Variants in CSMD2 observed in about 807,000 individuals in gnomAD.
CSMD2 encodes CUB and Sushi multiple domains 2.
Under a neutral mutation model 398.5 loss-of-function variants are expected in CSMD2, and 130 were observed. The ratio of observed to expected loss-of-function variants is 0.33; its 90% confidence interval spans 0.28 to 0.38. The LOEUF (loss-of-function observed/expected upper bound fraction) is 0.38, where lower values mean the gene tolerates loss of function less well. CSMD2 is among the 10% of genes least tolerant of loss of function. CSMD2 has a pLI of 1.00. For synonymous variants in CSMD2, 1,828 were observed against 1,908.5 expected, an observed-to-expected ratio of 0.96 and a Z score of 1.10; for missense variants, 3,829 against 4,764.9, an observed-to-expected ratio of 0.80 and a Z score of 5.78.
Position 33,819,755 on chromosome 1 carries a change from C to T in CSMD2, c.1282G>A (p.Asp428Asn), listed in dbSNP as rs1391408280. ...SKRITCMKVS[D>N]MFAAWSDHRP... is the part of the protein sequence containing the mutation. ...TGGTCGCTCCAGGCCGCAAACATGT[C>T]GCTCACTTTCATACAGGTGATCCGC... The change falls in exon 9 of 71, where the codon GAC becomes AAC. Residue 428 changes from aspartate (D) to asparagine (N), a missense_variant. Asp to Asn is a conservative substitution (Grantham distance 23). Transcript: ENST00000373381. 7.4e-6 allele frequency: 12 copies of T among 1,614,078 alleles called. No individual in the cohort carries two copies. Among genetic ancestry groups the T allele is most frequent in the Middle Eastern group, 1.7e-4 (1 of 6,012 alleles).
At chr1:33,937,685 T>G (rs1385241485) in intron 3 of CSMD2, among the ~76,000 whole-genome samples, 8 of 152,242 alleles carry the variant, frequency 5.3e-5, no homozygotes, top group Non-Finnish European at 8.8e-5. Flanking sequence ...CAGCCTGATC[T>G]GGGTGTGAAA....
At chr1:33,643,843 GAGATAGT>G (rs1643252892) in intron 29 of CSMD2, among the ~76,000 whole-genome samples, 1 of 151,842 alleles carries the variant, frequency 6.6e-6, no homozygotes, top group Non-Finnish European at 1.5e-5. Context: ...GAGGCCCAGG[GAGATAGT>G]AGAGGGTGAC....
At chr1:33,703,043 T>A (rs932162595) in intron 22 of CSMD2, among the ~76,000 whole-genome samples, 1 of 152,184 alleles carries the variant, frequency 6.6e-6, no homozygotes, top group Non-Finnish European at 1.5e-5. Flanking sequence ...CTATTGCATT[T>A]GTCTATTTGT....
intron 5 of CSMD2, among the ~76,000 whole-genome samples, chr1:33,908,085 C>CAAAAAAAA (rs35932181): frequency 2.2e-4 from 17 of 77,102 alleles, no homozygotes; most frequent in African/African-American, 9.1e-4. Flanking sequence ...GACTCCATCT[C>CAAAAAAAA]AAAAAAAAAA....
rs1162083896 is a variant in CSMD2 at position 33,514,560 on chromosome 1, G to T, written c.*2064C>A. 14 of 122,922 alleles carry T rather than the reference G, an allele frequency of 1.1e-4. No homozygotes were observed. 7.6% of individuals were successfully genotyped at this position (122,922 alleles called of 1,614,324 possible). A position where few individuals can be genotyped will look rare whatever the true frequency, so the allele number is the denominator to read the frequency against. On this transcript the variant is annotated 3_prime_UTR_variant, in exon 71 of 71. Transcript: ENST00000373381. The stretch of plus-strand genomic sequence containing the variant: ...CGAGCATCTCATGGAACTTTACAAG[G>T]AGACGCAGGGGAGGGGTGGGGGGCG...
chr1:33,575,304 G>A (rs1449804918), intron 49 of CSMD2, among the ~76,000 whole-genome samples: 1 of 152,198 alleles, frequency 6.6e-6, no homozygotes, highest in Non-Finnish European at 1.5e-5. Context: ...CAGCAGTAGA[G>A]AAGTGGAATA....
At chr1:33,756,745 A>T (rs1649079586) in intron 13 of CSMD2, among the ~76,000 whole-genome samples, 1 of 152,040 alleles carries the variant, frequency 6.6e-6, no homozygotes. Flanking sequence ...TCTTTTAAAA[A>T]TCATGAGAGT....
At chr1:33,675,755 G>C (rs9701974) in intron 25 of CSMD2, among the ~76,000 whole-genome samples, 143,145 of 152,280 alleles carry the variant, frequency 0.94, 67,382 homozygotes, top group African/African-American at 0.98. Context: ...AAAAGCTTAT[G>C]CACCATGATC....
intron 3 of CSMD2, among the ~76,000 whole-genome samples, chr1:34,006,810 GT>G (rs1647071656): frequency 6.6e-6 from 1 of 151,996 alleles, no homozygotes; most frequent in Non-Finnish European, 1.5e-5. Context: ...GTGTGGAGTC[GT>G]AACTACCCCA....
intron 5 of CSMD2, among the ~76,000 whole-genome samples, chr1:33,897,139 C>A (rs1055868263): frequency 2.0e-5 from 3 of 152,128 alleles, no homozygotes; most frequent in Non-Finnish European, 4.4e-5. Context: ...CACTGAGGCA[C>A]AAGCAATGAG....
chr1:33,549,271 GCATGGGA>G (rs1657198533), intron 56 of CSMD2, among the ~76,000 whole-genome samples: 1 of 152,144 alleles, frequency 6.6e-6, no homozygotes, highest in Admixed American at 6.5e-5. Flanking sequence ...AAGGGATCTG[GCATGGGA>G]AGGGTTACGG....
chr1:34,107,554 T>C (rs1660641708), intron 1 of CSMD2, among the ~76,000 whole-genome samples: 1 of 152,102 alleles, frequency 6.6e-6, no homozygotes, highest in Non-Finnish European at 1.5e-5. Context: ...AAAATGGAAA[T>C]AGGAATCAAC....
intron 12 of CSMD2, among the ~76,000 whole-genome samples, chr1:33,785,576 A>G (rs1176530033): frequency 6.6e-6 from 1 of 152,200 alleles, no homozygotes; most frequent in Non-Finnish European, 1.5e-5. Context: ...AATGTCTTTC[A>G]AGCCAGTGGT....
chr1:34,007,982 C>A (rs983633907), intron 3 of CSMD2, among the ~76,000 whole-genome samples: 1 of 152,172 alleles, frequency 6.6e-6, no homozygotes, highest in Non-Finnish European at 1.5e-5. Context: ...TGTCAAAATG[C>A]AGTTTGAGTA....
At chr1:33,715,731 G>A (rs1253865104) in intron 20 of CSMD2, among the ~76,000 whole-genome samples, 1 of 152,172 alleles carries the variant, frequency 6.6e-6, no homozygotes, top group African/African-American at 2.4e-5. Flanking sequence ...GACAAGAATG[G>A]TGAAGGGCTC....
rs766916288 is a variant in CSMD2, at chr1:33,743,442, A to G, written c.2011T>C (p.Phe671Leu). 4.3e-6 allele frequency: 7 copies of G among 1,614,204 alleles called. No homozygotes were observed. Among genetic ancestry groups the G allele is most frequent in the Non-Finnish European group, 5.9e-6 (7 of 1,180,036 alleles). The change falls in exon 14 of 71, where the codon TTC (phenylalanine) becomes CTC (leucine). Residue 671 changes from phenylalanine to leucine, a missense_variant. Physicochemically the swap from Phe to Leu is conservative, Grantham distance 22. This residue lies in a region of CSMD2 where 2,001 missense variants were observed against 2,567.1 expected (regional missense o/e 0.78). Transcript: ENST00000373381. ...GTGGCCCCATCCTTGATGACCAGGAAATCAAACTGAGGCTCCACGTCAATG... is the reference window on the plus strand; with the variant it reads ...GTGGCCCCATCCTTGATGACCAGGAGATCAAACTGAGGCTCCACGTCAATG... The part of the protein sequence containing the change: ...NDIDVEPQFD[F>L]LVIKDGATAE...
intron 1 of CSMD2, among the ~76,000 whole-genome samples, chr1:34,154,457 G>A (rs1171257168): frequency 1.3e-5 from 2 of 152,230 alleles, no homozygotes; most frequent in Non-Finnish European, 2.9e-5. Flanking sequence ...AGAACTTTTA[G>A]TGGTGGAGTA....
chr1:33,613,766 C>T (rs16835675), intron 40 of CSMD2, among the ~76,000 whole-genome samples: 8,656 of 152,220 alleles, frequency 0.057, 409 homozygotes, highest in East Asian at 0.21. Flanking sequence ...CCCGTGCGTA[C>T]GGCCCATCAG....
intron 5 of CSMD2, among the ~76,000 whole-genome samples, chr1:33,909,439 T>G (rs911215): frequency 0.24 from 36,443 of 151,946 alleles, 4,925 homozygotes; most frequent in Non-Finnish European, 0.3. Context: ...ATGACATGTG[T>G]CATACTTTCT....
Sources: allele counts gnomAD v4.1 joint callset (sites outside exome capture counted in the v4.1 genomes callset), GRCh38; gene constraint gnomAD v4.1.1; regional missense constraint gnomAD v4.1.1; transcripts MANE v1.5; gene names NCBI Gene and HGNC (gene_info 2026-07-23, HGNC 2026-07-21).